DCC: variants seen among roughly 807,000 people sequenced by gnomAD.
DCC encodes DCC netrin 1 receptor.
A neutral mutation model predicts 172.5 loss-of-function variants in DCC; 58 were observed. The ratio of observed to expected loss-of-function variants is 0.34; its 90% CI spans 0.27 to 0.42. The LOEUF (loss-of-function observed/expected upper bound fraction) is 0.42. DCC is among the 10% of genes least tolerant of loss of function. The pLI is 1.00. For missense variants in DCC, 1,740 were observed against 1,791.0 expected (o/e 0.97, Z 0.51); for synonymous variants, 709 against 644.5 (o/e 1.10, Z -1.52).
intron 1 of DCC, among the ~76,000 whole-genome samples, chr18:52,700,203 CACACATGCACATGTGCA>C (rs2036088533): frequency 4.0e-5 from 2 of 50,402 alleles, no homozygotes; most frequent in African/African-American, 7.2e-5. Context: ...CACGCACATA[CACACATGCACATGTGCA>C]CACACATGCA....
At chr18:52,866,538 C>T (rs532658917) in intron 2 of DCC, among the ~76,000 whole-genome samples, 78 of 151,938 alleles carry the variant, frequency 5.1e-4, no homozygotes, top group Middle Eastern at 3.4e-3. Flanking sequence ...AATGTTTTTC[C>T]GTTTGTGTCC....
At chr18:53,457,640 C>T (rs1045992356) in intron 23 of DCC, among the ~76,000 whole-genome samples, 2 of 152,108 alleles carry the variant, frequency 1.3e-5, no homozygotes, top group Non-Finnish European at 1.5e-5. Context: ...GTGTGAGTTG[C>T]AGATCAGTTT....
intron 12 of DCC, among the ~76,000 whole-genome samples, chr18:53,253,901 T>C (rs1010453622): frequency 1.3e-5 from 2 of 152,036 alleles, no homozygotes; most frequent in Admixed American, 1.3e-4. Flanking sequence ...ATTTGAGAAC[T>C]GATGCTTCAT....
chr18:53,400,647 A>G (rs1040595300), intron 18 of DCC, among the ~76,000 whole-genome samples: 4 of 152,180 alleles, frequency 2.6e-5, no homozygotes, highest in African/African-American at 9.6e-5. Context: ...AATGCTAGAC[A>G]TTTAGGTCAT....
At chr18:52,700,729 A>C (rs886723860) in intron 1 of DCC, among the ~76,000 whole-genome samples, 2 of 152,238 alleles carry the variant, frequency 1.3e-5, no homozygotes, top group Non-Finnish European at 2.9e-5. Flanking sequence ...CTGTCTTAAA[A>C]TGAAGACAAG....
At chr18:53,153,141 T>C (rs1016051268) in intron 7 of DCC, among the ~76,000 whole-genome samples, 1 of 152,206 alleles carries the variant, frequency 6.6e-6, no homozygotes, top group African/African-American at 2.4e-5. Flanking sequence ...ACTTCCCTCT[T>C]GTTCGTATAA....
chr18:52,488,053 T>C (rs2030318985), intron 1 of DCC, among the ~76,000 whole-genome samples: 1 of 152,072 alleles, frequency 6.6e-6, no homozygotes, highest in Non-Finnish European at 1.5e-5. Context: ...GTTCCCTTAA[T>C]TCTTGGTCAG....
At chr18:53,214,154 G>T (rs184421548) in intron 11 of DCC, among the ~76,000 whole-genome samples, 14 of 151,916 alleles carry the variant, frequency 9.2e-5, no homozygotes, top group African/African-American at 2.9e-4. Flanking sequence ...ATAAATTGTG[G>T]AATATTTTTG....
intron 5 of DCC, among the ~76,000 whole-genome samples, chr18:53,022,018 C>T (rs2041888570): frequency 6.6e-6 from 1 of 152,088 alleles, no homozygotes; most frequent in African/African-American, 2.4e-5. Context: ...TATATTTTGT[C>T]AGCTGTTTCC....
intron 8 of DCC, among the ~76,000 whole-genome samples, chr18:53,161,904 A>G (rs1023109090): frequency 6.6e-6 from 1 of 152,340 alleles, no homozygotes; most frequent in Middle Eastern, 3.4e-3. Context: ...ATGATTTTAT[A>G]TTCTGAGCTG....
chr18:53,043,583 T>C (rs2042198341), intron 5 of DCC, among the ~76,000 whole-genome samples: 1 of 151,918 alleles, frequency 6.6e-6, no homozygotes, highest in Non-Finnish European at 1.5e-5. Context: ...GCAATTAAAT[T>C]GCCCTTTTAA....
intron 5 of DCC, among the ~76,000 whole-genome samples, chr18:53,052,782 C>G (rs2042350933): frequency 6.6e-6 from 1 of 152,018 alleles, no homozygotes; most frequent in Non-Finnish European, 1.5e-5. Flanking sequence ...GTCCATAAGC[C>G]TTACCTTACT....
intron 7 of DCC, among the ~76,000 whole-genome samples, chr18:53,126,744 T>C (rs892380809): frequency 6.6e-6 from 1 of 152,176 alleles, no homozygotes; most frequent in African/African-American, 2.4e-5. Flanking sequence ...AGAATCCAGA[T>C]GCTCAGGTCA....
chr18:52,903,268 C>T (rs1330227573), intron 2 of DCC, among the ~76,000 whole-genome samples: 1 of 152,184 alleles, frequency 6.6e-6, no homozygotes, highest in African/African-American at 2.4e-5. Flanking sequence ...TGCAGTGGCA[C>T]AGTCTTAGCT....
chr18:52,404,406 A>G (rs564643366), intron 1 of DCC, among the ~76,000 whole-genome samples: 1 of 150,202 alleles, frequency 6.7e-6, no homozygotes, highest in African/African-American at 2.5e-5. Context: ...ATAACATAAG[A>G]GTAAAATGAT....
intron 9 of DCC, among the ~76,000 whole-genome samples, chr18:53,189,111 CTG>C (rs2055329573): frequency 6.6e-6 from 1 of 152,046 alleles, no homozygotes; most frequent in African/African-American, 2.4e-5. Flanking sequence ...TCAATGTCAT[CTG>C]TTGGAGGACT....
chr18:52,518,734 T>C (rs1273034061), intron 1 of DCC, among the ~76,000 whole-genome samples: 1 of 152,222 alleles, frequency 6.6e-6, no homozygotes, highest in African/African-American at 2.4e-5. Context: ...ATGGTAATTA[T>C]TAAAACCATT....
At chr18:53,294,653 G>A (rs954978156) in intron 12 of DCC, among the ~76,000 whole-genome samples, 2 of 152,110 alleles carry the variant, frequency 1.3e-5, no homozygotes, top group East Asian at 1.9e-4. Flanking sequence ...AATGAAGGGG[G>A]ACTCACCCGG....
chr18:53,477,733 A>C (rs2045783170), intron 25 of DCC, among the ~76,000 whole-genome samples: 1 of 152,150 alleles, frequency 6.6e-6, no homozygotes, highest in South Asian at 2.1e-4. Context: ...GAATCTTCTT[A>C]TTTGTCTAAT....
Sources: gnomAD v4.1 joint callset for allele counts (sites outside exome capture counted in the v4.1 genomes callset) on GRCh38, gnomAD v4.1.1 for gene constraint, MANE v1.5 for transcripts, NCBI Gene and HGNC (gene_info 2026-07-23, HGNC 2026-07-21) for gene names.